Variants in VAV1 observed in about 807,000 individuals in gnomAD.
VAV1 encodes vav guanine nucleotide exchange factor 1, also known as proto-oncogene vav.
Under a neutral mutation model 128.1 loss-of-function variants are expected in VAV1, and 33 were observed. The observed-to-expected ratio is 0.26, with a 90% CI of 0.20 to 0.34. The LOEUF is 0.34. VAV1 is among the 10% of genes least tolerant of loss of function. The probability of loss-of-function intolerance (pLI) is 1.00; values close to 1 mark genes in which losing one functional copy is unlikely to be tolerated. For missense variants in VAV1, 715 were observed against 1,093.7 expected (o/e 0.65, Z 4.88); for synonymous variants, 394 against 409.8 (o/e 0.96, Z 0.47).
intron 1 of VAV1, among the ~76,000 whole-genome samples, chr19:6,805,391 C>G (rs1052792084): frequency 3.9e-5 from 6 of 151,924 alleles, no homozygotes; most frequent in Non-Finnish European, 7.4e-5. Flanking sequence ...TAATACTGCA[C>G]TCTAGCCTGG....
chr19:6,844,548 A>G (rs927428147), intron 22 of VAV1, among the ~76,000 whole-genome samples: 1 of 152,166 alleles, frequency 6.6e-6, no homozygotes, highest in Non-Finnish European at 1.5e-5. Context: ...TGTACCACAT[A>G]GTAGCAGGTG....
At chr19:6,807,558 T>G (rs1468211330) in intron 1 of VAV1, among the ~76,000 whole-genome samples, 1 of 152,032 alleles carries the variant, frequency 6.6e-6, no homozygotes, top group Non-Finnish European at 1.5e-5. Context: ...GCCCAGTTCC[T>G]AACAGACCAT....
intron 21 of VAV1, among the ~76,000 whole-genome samples, chr19:6,838,295 T>TTATCTATC (rs57869416): frequency 0.082 from 11,976 of 145,604 alleles, 1,021 homozygotes; most frequent in African/African-American, 0.21. Flanking sequence ...CATCTACATA[T>TTATCTATC]TATCTATCTA....
intron 1 of VAV1, among the ~76,000 whole-genome samples, chr19:6,779,729 G>A (rs1441179777): frequency 6.7e-6 from 1 of 149,572 alleles, no homozygotes; most frequent in Non-Finnish European, 1.5e-5. Context: ...AATAAAGCTG[G>A]GGGCTGGGTG....
intron 1 of VAV1, among the ~76,000 whole-genome samples, chr19:6,782,719 A>AAT (rs148255206): frequency 3.5e-4 from 53 of 151,208 alleles, no homozygotes; most frequent in Admixed American, 1.8e-3. Flanking sequence ...ATCTCTACAA[A>AAT]ATATATATAT....
In VAV1 at chr19:6,780,002, T is replaced by C. The variant is rs1265917033; in HGVS notation, c.204+6991T>C. On this transcript the variant is annotated intron_variant, in intron 1 of 26. Coordinates refer to ENST00000602142, the MANE Select transcript of VAV1 (RefSeq NM_005428.4). ...TGCGGGCGCCTGTAGTCCCAGCTACTCGGGAGGCTGAAGCAGGAGAATGGC... is the reference window on the plus strand; with the variant it reads ...TGCGGGCGCCTGTAGTCCCAGCTACCCGGGAGGCTGAAGCAGGAGAATGGC... 6.1e-5 allele frequency among the ~76,000 whole-genome samples: 9 copies of C among 148,574 alleles called. 1 individual carries two copies.
chr19:6,802,352 T>TA lies in VAV1; in HGVS notation c.205-18342dup, dbSNP rs1029177912. ...ATTTAAAGTATAATAATAATAAAATTAAAAAAAATAAAGGACCTCCTGTCC... is the reference window on the plus strand; with the variant it reads ...ATTTAAAGTATAATAATAATAAAATTAAAAAAAAATAAAGGACCTCCTGTCC... On this transcript the variant is annotated intron_variant, in intron 1 of 26. Transcript: ENST00000602142. Among the ~76,000 whole-genome samples, 361 of 151,732 alleles carry TA rather than the reference T, an allele frequency of 2.4e-3. 1 individual carries two copies. The highest frequency in any genetic ancestry group is 8.2e-3 in the African/African-American group (339 of 41,348).
intron 22 of VAV1, 74 bp downstream of exon 22, chr19:6,843,240 C>A (rs1972423552): frequency 2.0e-6 from 3 of 1,535,960 alleles, no homozygotes; most frequent in South Asian, 1.1e-5. Flanking sequence ...ATGGGAGGAA[C>A]CTCCGAGCCA....
rs751974047 is a variant in VAV1 at position 6,828,072 on chromosome 19, C to T, written c.928-4C>T. 1.9e-6 allele frequency: 3 copies of T among 1,613,904 alleles called. No homozygotes were observed. The highest frequency in any genetic ancestry group is 4.5e-5 in the East Asian group (2 of 44,892). Reference sequence around the variant, plus strand: ...AGTTTCCCCATTGTTCTCTGATTCCCCAGGAATGTTCTCAGAGAGCCAACA... The same window carrying T: ...AGTTTCCCCATTGTTCTCTGATTCCTCAGGAATGTTCTCAGAGAGCCAACA... On this transcript the variant is annotated splice_polypyrimidine_tract_variant and splice_region_variant and intron_variant, in intron 9 of 26. Transcript: ENST00000602142. This position sits in a 1 kb window ranked among gnomAD's most constrained non-coding sequence, Gnocchi z 4.5.
At chr19:6,785,967 C>G (rs1970883357) in intron 1 of VAV1, among the ~76,000 whole-genome samples, 1 of 151,990 alleles carries the variant, frequency 6.6e-6, no homozygotes, top group Non-Finnish European at 1.5e-5. Flanking sequence ...GCCCAGATTT[C>G]TTATCTGAGA....
At chr19:6,834,002 T>G in intron 19 of VAV1, 49 bp downstream of exon 19, 5 of 1,610,556 alleles carry the variant, frequency 3.1e-6, no homozygotes, top group South Asian at 1.1e-5. Context: ...AATTCATCTC[T>G]ATTGATGTTG....
chr19:6,828,925 G>C lies in VAV1; in HGVS notation c.1265+25G>C. ...GGTGGGTGGAGTCAACATGGATCTG[G>C]GATGGAGCCTGGGCAAAGGGGTGGG... On this transcript the variant is annotated intron_variant, in intron 13 of 26. Transcript: ENST00000602142. The surrounding 1 kb of genome is among the most constrained non-coding windows in gnomAD (Gnocchi z 4.5). 6.2e-7 allele frequency: 1 copy of C among 1,613,622 alleles called. No homozygotes were observed. Among genetic ancestry groups the C allele is most frequent in the Non-Finnish European group, 8.5e-7 (1 of 1,179,830 alleles).
At chr19:6,852,040 G>T (rs1972682906) in intron 24 of VAV1, among the ~76,000 whole-genome samples, 1 of 152,110 alleles carries the variant, frequency 6.6e-6, no homozygotes, top group African/African-American at 2.4e-5. Flanking sequence ...AAGAGACAGG[G>T]TCTTGCTCTG....
intron 1 of VAV1, among the ~76,000 whole-genome samples, chr19:6,812,830 A>AATGATG (rs150696527): frequency 1.3e-5 from 2 of 151,436 alleles, no homozygotes; most frequent in African/African-American, 4.9e-5. Flanking sequence ...TGGTGGTGAT[A>AATGATG]ATGATGATGA....
At chr19:6,829,601 G>T (rs1972007973) in intron 13 of VAV1, among the ~76,000 whole-genome samples, 185 bp from the exon 14 acceptor site, 1 of 152,132 alleles carries the variant, frequency 6.6e-6, no homozygotes, top group South Asian at 2.1e-4. Flanking sequence ...GTGGAGCGAA[G>T]ACTGACAGGC....
chr19:6,857,156 G>C lies in VAV1; in HGVS notation c.*49G>C. The C allele has an allele frequency of 6.2e-7, 1 of 1,612,168 alleles. No homozygotes were observed. Among genetic ancestry groups the C allele is most frequent in the Non-Finnish European group, 8.5e-7 (1 of 1,179,494 alleles). Reference sequence around the variant, plus strand: ...CGAGAAACTCCAGGCTCTGAGCCCGGCGTGGGCAGGCAGCGGAGCCAGGGG... The same window carrying C: ...CGAGAAACTCCAGGCTCTGAGCCCGCCGTGGGCAGGCAGCGGAGCCAGGGG... On this transcript the variant is annotated 3_prime_UTR_variant, in exon 27 of 27. Transcript: ENST00000602142.
chr19:6,819,629 G>A (rs959306793), intron 1 of VAV1, among the ~76,000 whole-genome samples: 2 of 152,180 alleles, frequency 1.3e-5, no homozygotes, highest in African/African-American at 4.8e-5. Context: ...GCAATACGTG[G>A]CTTTGGAAGA....
At chr19:6,779,725 G>C (rs1461738278) in intron 1 of VAV1, among the ~76,000 whole-genome samples, 1 of 149,436 alleles carries the variant, frequency 6.7e-6, no homozygotes, top group Non-Finnish European at 1.5e-5. Context: ...CTAAAATAAA[G>C]CTGGGGGCTG....
intron 14 of VAV1, 36 bp from the exon 15 acceptor site, chr19:6,832,055 G>A (rs773187950): frequency 6.3e-7 from 1 of 1,599,388 alleles, no homozygotes; most frequent in Non-Finnish European, 8.6e-7. Context: ...CCTCTGCGGG[G>A]GCAGTGCCTT....
Sources: allele counts gnomAD v4.1 joint callset (sites outside exome capture counted in the v4.1 genomes callset), GRCh38; gene constraint gnomAD v4.1.1; non-coding constraint Gnocchi (gnomAD v3.1); transcripts MANE v1.5; gene names NCBI Gene and HGNC (gene_info 2026-07-23, HGNC 2026-07-21).